Variants in EYS observed in about 807,000 individuals in gnomAD.
EYS encodes the protein protein eyes shut homolog.
In EYS, 250 loss-of-function variants were observed where a neutral mutation model predicts 282.1. The ratio of observed to expected loss-of-function variants is 0.89; its 90% confidence interval spans 0.80 to 0.98. The LOEUF (loss-of-function observed/expected upper bound fraction) is 0.98. Among genes scored for constraint, EYS ranks in the 50% least tolerant of loss-of-function variants. The pLI is 0.00. For missense variants in EYS, 4,016 were observed against 3,709.0 expected (o/e 1.08, Z -2.15); for synonymous variants, 1,355 against 1,282.9 (o/e 1.06, Z -1.20).
intron 15 of EYS, among the ~76,000 whole-genome samples, chr6:64,928,670 C>G (rs1583302237): frequency 6.6e-6 from 1 of 152,054 alleles, no homozygotes; most frequent in African/African-American, 2.4e-5. Context: ...AAGAAGAAAA[C>G]AAGCAAAATC....
intron 37 of EYS, among the ~76,000 whole-genome samples, chr6:63,793,509 G>C: frequency 6.6e-6 from 1 of 152,218 alleles, no homozygotes; most frequent in Middle Eastern, 3.4e-3. Context: ...TTAAAGTGGC[G>C]TTGCACAATA....
At chr6:64,661,390 A>G (rs1269148866) in intron 22 of EYS, among the ~76,000 whole-genome samples, 2 of 152,220 alleles carry the variant, frequency 1.3e-5, no homozygotes, top group African/African-American at 4.8e-5. Flanking sequence ...GACAAATGGT[A>G]TCTAATTAAA....
chr6:64,553,478 T>C, intron 26 of EYS, among the ~76,000 whole-genome samples: 1 of 150,300 alleles, frequency 6.7e-6, no homozygotes, highest in Non-Finnish European at 1.5e-5. Context: ...ATCTGAGAAT[T>C]ACTAGTGAAA....
At chr6:65,525,763 G>T (rs1026294546) in intron 2 of EYS, among the ~76,000 whole-genome samples, 1 of 152,184 alleles carries the variant, frequency 6.6e-6, no homozygotes, top group African/African-American at 2.4e-5. Context: ...TTGCCTCATG[G>T]CAATGAGTGC....
intron 1 of EYS, among the ~76,000 whole-genome samples, chr6:65,649,844 T>A (rs1158035356): frequency 2.6e-5 from 4 of 152,154 alleles, no homozygotes; most frequent in Non-Finnish European, 5.9e-5. Context: ...CACCTGTAGA[T>A]GACAATGGGT....
chr6:65,325,092 T>G (rs1484949306), intron 11 of EYS, among the ~76,000 whole-genome samples: 14 of 152,152 alleles, frequency 9.2e-5, no homozygotes, highest in Admixed American at 9.2e-4. Flanking sequence ...GGTAACAAGG[T>G]GGCAGCAAGG....
intron 22 of EYS, among the ~76,000 whole-genome samples, chr6:64,645,216 C>T (rs9351354): frequency 0.017 from 2,555 of 152,256 alleles, 58 homozygotes; most frequent in East Asian, 0.11. Context: ...GAAATGAACA[C>T]ATCATTATCC....
At chr6:64,607,975 T>A (rs937211902) in intron 24 of EYS, among the ~76,000 whole-genome samples, 1 of 152,174 alleles carries the variant, frequency 6.6e-6, no homozygotes, top group Non-Finnish European at 1.5e-5. Flanking sequence ...CCAAGACATT[T>A]AGCCTGGCAA....
chr6:64,671,186 T>C (rs1210844188), intron 22 of EYS, among the ~76,000 whole-genome samples: 2 of 152,182 alleles, frequency 1.3e-5, no homozygotes, highest in African/African-American at 2.4e-5. Context: ...TGCCATGGTC[T>C]GAATGTTTGT....
At chr6:64,191,476 T>TCCCCCCC (rs542212151) in intron 31 of EYS, among the ~76,000 whole-genome samples, 2 of 139,228 alleles carry the variant, frequency 1.4e-5, no homozygotes, top group East Asian at 2.3e-4. Flanking sequence ...GTGCTATCCC[T>TCCCCCCC]TCCCCCCCCA....
chr6:63,859,682 G>A (rs1772486562), intron 36 of EYS, among the ~76,000 whole-genome samples: 1 of 151,224 alleles, frequency 6.6e-6, no homozygotes, highest in Non-Finnish European at 1.5e-5. Flanking sequence ...TGCATAAGGA[G>A]AGGCAACAGG....
At chr6:64,391,641 G>A (rs1773150419) in intron 28 of EYS, among the ~76,000 whole-genome samples, 1 of 152,106 alleles carries the variant, frequency 6.6e-6, no homozygotes, top group Non-Finnish European at 1.5e-5. Context: ...AACATGGAAA[G>A]GAACAACCCG....
intron 36 of EYS, among the ~76,000 whole-genome samples, chr6:63,814,764 T>C (rs968160423): frequency 3.9e-5 from 6 of 152,258 alleles, no homozygotes; most frequent in African/African-American, 1.4e-4. Context: ...CCCTGAAACA[T>C]ATAGGTTCAA....
At chr6:64,239,686 T>G (rs1376919150) in intron 30 of EYS, among the ~76,000 whole-genome samples, 1 of 152,136 alleles carries the variant, frequency 6.6e-6, no homozygotes, top group Admixed American at 6.5e-5. Flanking sequence ...TGTAAACATT[T>G]TCTCCCATTC....
chr6:65,062,585 T>A (rs115013578), intron 12 of EYS, among the ~76,000 whole-genome samples: 1 of 151,982 alleles, frequency 6.6e-6, no homozygotes, highest in Non-Finnish European at 1.5e-5. Context: ...TTACCTTATA[T>A]GATAAGGCCC....
At chr6:64,265,129 A>G (rs1767713086) in intron 30 of EYS, among the ~76,000 whole-genome samples, 1 of 151,970 alleles carries the variant, frequency 6.6e-6, no homozygotes, top group Non-Finnish European at 1.5e-5. Context: ...TATTGATGTT[A>G]CTTTTTCTTA....
At chr6:64,397,900 G>T in intron 28 of EYS, among the ~76,000 whole-genome samples, 1 of 151,664 alleles carries the variant, frequency 6.6e-6, no homozygotes, top group Middle Eastern at 3.2e-3. Flanking sequence ...TATTCAACAA[G>T]TTCTATTTTT....
intron 12 of EYS, among the ~76,000 whole-genome samples, chr6:65,180,534 C>T (rs1205989025): frequency 3.9e-5 from 6 of 152,066 alleles, no homozygotes; most frequent in Non-Finnish European, 8.8e-5. Context: ...GAACTACAAA[C>T]CACTGCTCAA....
intron 12 of EYS, among the ~76,000 whole-genome samples, chr6:65,292,824 T>C (rs1249292501): frequency 6.6e-6 from 1 of 151,538 alleles, no homozygotes; most frequent in East Asian, 1.9e-4. Context: ...ATTTAAACAG[T>C]TTTGTGTTGC....
Sources: gnomAD v4.1 joint callset for allele counts (sites outside exome capture counted in the v4.1 genomes callset) on GRCh38, gnomAD v4.1.1 for gene constraint, MANE v1.5 for transcripts, NCBI Gene and HGNC (gene_info 2026-07-23, HGNC 2026-07-21) for gene names.